The following CDH18 variants were observed in gnomAD, a reference collection of about 807,000 sequenced individuals.
CDH18 encodes the protein cadherin-18.
CDH18 carries 31 observed loss-of-function variants against 67.9 expected under a neutral mutation model. The observed-to-expected ratio is 0.46, with a 90% CI of 0.34 to 0.62. CDH18 has a LOEUF of 0.62. Ranked by LOEUF, CDH18 falls within the 20% of genes least tolerant of loss-of-function variation. The probability of loss-of-function intolerance (pLI) is 0.01; values close to 1 mark genes in which losing one functional copy is unlikely to be tolerated. For synonymous variants in CDH18, 362 were observed against 347.2 expected, an observed-to-expected ratio of 1.04 and a Z score of -0.48; for missense variants, 890 against 975.5, an observed-to-expected ratio of 0.91 and a Z score of 1.17.
intron 2 of CDH18, chr5:20,158,545 C>T (rs1751732250): frequency 6.6e-6 from 1 of 152,524 alleles, no homozygotes; most frequent in South Asian, 2.1e-4. Context: ...CTAACTCATA[C>T]TCATTTTTTT....
rs541051805 is a variant in CDH18, at chr5:19,783,180, C to T, written c.229-35944G>A. Among the ~76,000 whole-genome samples the T allele has an allele frequency of 9.9e-5, 15 of 152,158 alleles. No individual in the cohort carries two copies. The East Asian group carries it at 1.2e-3, about 12-fold the overall frequency. ...GTGTCACAATTAGAAATTAATCTGC[C>T]GCACTATTATGTAACACGAGGCAAG... On this transcript the variant is annotated intron_variant, in intron 3 of 12. Coordinates refer to ENST00000382275, the MANE Select transcript of CDH18 (RefSeq NM_004934.5).
Position 20,216,377 on chromosome 5 carries a change from G to C in CDH18, c.-518+39067C>G, listed in dbSNP as rs558913872. ...GAAGCAAAGCATTTTATAGTAAAAGGAGATATGACTGATAAACAGAGTAAT... is the reference window on the plus strand; with the variant it reads ...GAAGCAAAGCATTTTATAGTAAAAGCAGATATGACTGATAAACAGAGTAAT... On this transcript the variant is annotated intron_variant, in intron 2 of 14. Coordinates refer to the CDH18 transcript ENST00000507958. Among the ~76,000 whole-genome samples, 59 of 151,954 alleles carry C rather than the reference G, an allele frequency of 3.9e-4. 1 individual carries two copies. Among genetic ancestry groups the C allele is most frequent in the African/African-American group, 1.3e-3 (56 of 41,514 alleles).
intron 3 of CDH18, among the ~76,000 whole-genome samples, chr5:19,750,863 T>G (rs549111181): frequency 2.0e-4 from 30 of 151,238 alleles, no homozygotes; most frequent in African/African-American, 6.8e-4. Context: ...CCATGGGATT[T>G]TGCAAAGCAG....
At chr5:20,325,414 T>C (rs929264479) in intron 1 of CDH18, among the ~76,000 whole-genome samples, 1 of 152,216 alleles carries the variant, frequency 6.6e-6, no homozygotes, top group Admixed American at 6.5e-5. Context: ...CCATGGGCTA[T>C]ACACGTATCA....
chr5:19,615,742 C>G (rs1193869759), intron 5 of CDH18, among the ~76,000 whole-genome samples: 2 of 152,140 alleles, frequency 1.3e-5, no homozygotes, highest in African/African-American at 4.8e-5. Flanking sequence ...TTTACTGTCT[C>G]CATAGTTTTG....
intron 2 of CDH18, among the ~76,000 whole-genome samples, chr5:19,966,433 T>C (rs1215562561): frequency 6.6e-6 from 1 of 152,132 alleles, no homozygotes; most frequent in Non-Finnish European, 1.5e-5. Context: ...CATTCAATGT[T>C]ATATCAGCTA....
chr5:19,654,755 G>A (rs11743631), intron 5 of CDH18, among the ~76,000 whole-genome samples: 84,965 of 152,010 alleles, frequency 0.56, 26,853 homozygotes, highest in East Asian at 0.74. Flanking sequence ...TGGTAAAGGC[G>A]GGGGATTTTA....
At chr5:19,985,631 C>A (rs915051736) in intron 1 of CDH18, among the ~76,000 whole-genome samples, 3 of 151,350 alleles carry the variant, frequency 2.0e-5, no homozygotes, top group Non-Finnish European at 4.4e-5. Context: ...ACCAACAGCA[C>A]CAAGGTTAAG....
At chr5:19,496,462 G>T (rs1742343430) in intron 11 of CDH18, among the ~76,000 whole-genome samples, 1 of 152,108 alleles carries the variant, frequency 6.6e-6, no homozygotes, top group Non-Finnish European at 1.5e-5. Context: ...GGGGCCTAAT[G>T]GGTGGTGTTT....
chr5:19,841,652 A>C (rs1483738382), intron 2 of CDH18, among the ~76,000 whole-genome samples: 1 of 151,222 alleles, frequency 6.6e-6, no homozygotes, highest in Non-Finnish European at 1.5e-5. Context: ...TTGTTATTTT[A>C]ATACTTTCAC....
chr5:19,877,067 A>G (rs548815600), intron 2 of CDH18, among the ~76,000 whole-genome samples: 1 of 152,262 alleles, frequency 6.6e-6, no homozygotes, highest in Admixed American at 6.5e-5. Context: ...CTATGAAAAC[A>G]AAGACCCTCA....
At chr5:20,289,877 T>C (rs1746976057) in intron 1 of CDH18, among the ~76,000 whole-genome samples, 1 of 152,078 alleles carries the variant, frequency 6.6e-6, no homozygotes, top group South Asian at 2.1e-4. Context: ...GAGAATGTTG[T>C]AGACAGAAAT....
intron 1 of CDH18, among the ~76,000 whole-genome samples, chr5:20,534,388 A>C (rs996295581): frequency 1.3e-5 from 2 of 152,104 alleles, no homozygotes; most frequent in African/African-American, 4.8e-5. Context: ...AAGCATTAAA[A>C]ATAATCAAAT....
intron 3 of CDH18, 140 bp downstream of exon 3, chr5:19,838,619 T>C (rs1175726577): frequency 3.2e-6 from 2 of 616,928 alleles, no homozygotes; most frequent in Non-Finnish European, 5.7e-6. Flanking sequence ...CTAGTATAAG[T>C]AGTAGTTTCT....
chr5:20,195,962 A>T (rs1738941354), intron 2 of CDH18, among the ~76,000 whole-genome samples: 1 of 152,114 alleles, frequency 6.6e-6, no homozygotes. Flanking sequence ...GAACCAGATG[A>T]TTATGGAGGA....
chr5:20,074,707 T>C lies in CDH18; in HGVS notation c.-517-82693A>G, dbSNP rs552911274. ...AATCTCACCACCACATAAGAATGCT[T>C]AAGTACTTTTAATACAATAGTTTGG... On this transcript the variant is annotated intron_variant, in intron 2 of 14. Transcript: ENST00000507958. Among the ~76,000 whole-genome samples, 7 of 146,568 alleles carry C rather than the reference T, an allele frequency of 4.8e-5. No individual in the cohort carries two copies. In the South Asian group the frequency reaches 1.6e-3, roughly 33 times the overall value.
At chr5:20,273,245 G>T (rs1745567788) in intron 1 of CDH18, among the ~76,000 whole-genome samples, 1 of 152,104 alleles carries the variant, frequency 6.6e-6, no homozygotes, top group Non-Finnish European at 1.5e-5. Context: ...ACAATATGGT[G>T]CCTATAAATA....
chr5:20,274,935 C>G (rs1745694624), intron 1 of CDH18, among the ~76,000 whole-genome samples: 1 of 152,122 alleles, frequency 6.6e-6, no homozygotes, highest in Non-Finnish European at 1.5e-5. Context: ...TCCAAAACCT[C>G]TGACCATGAA....
At chr5:19,754,555 C>T (rs1477986152) in intron 3 of CDH18, among the ~76,000 whole-genome samples, 2 of 152,040 alleles carry the variant, frequency 1.3e-5, no homozygotes, top group African/African-American at 4.8e-5. Context: ...GACAGTAACA[C>T]AAGAATAGTG....
Sources: allele counts gnomAD v4.1 joint callset (sites outside exome capture counted in the v4.1 genomes callset), GRCh38; gene constraint gnomAD v4.1.1; transcripts MANE v1.5; gene names NCBI Gene and HGNC (gene_info 2026-07-23, HGNC 2026-07-21).